Variants in TAFA1 observed in about 807,000 individuals in gnomAD.
TAFA1 encodes the protein TAFA chemokine like family member 1.
In TAFA1, 4 loss-of-function variants were observed where a neutral mutation model predicts 18.5. The observed-to-expected ratio is 0.22, with a 90% CI of 0.11 to 0.49. The LOEUF is 0.49. Among genes scored for constraint, TAFA1 ranks in the 20% least tolerant of loss-of-function variants. TAFA1 has a pLI of 0.98. For synonymous variants in TAFA1, 56 were observed against 55.2 expected (o/e 1.01, Z -0.06); for missense variants, 147 against 169.0 (o/e 0.87, Z 0.72).
intron 2 of TAFA1, among the ~76,000 whole-genome samples, chr3:68,229,260 C>T (rs1329145992): frequency 3.9e-5 from 6 of 152,168 alleles, no homozygotes; most frequent in African/African-American, 1.4e-4. Flanking sequence ...ATTGCTCTTT[C>T]TCATGTTTTT....
chr3:68,123,004 C>CT (rs76838288), intron 2 of TAFA1, among the ~76,000 whole-genome samples: 36,550 of 151,080 alleles, frequency 0.24, 4,500 homozygotes, highest in East Asian at 0.42. Context: ...AAAAAAAACC[C>CT]TTTTTTTTCC....
At chr3:68,231,690 T>G (rs1012020509) in intron 2 of TAFA1, among the ~76,000 whole-genome samples, 1 of 152,178 alleles carries the variant, frequency 6.6e-6, no homozygotes, top group Non-Finnish European at 1.5e-5. Context: ...ACAGCTTTAT[T>G]GAGATATAAT....
chr3:68,536,899 A>T (rs966310380), intron 3 of TAFA1, among the ~76,000 whole-genome samples: 1 of 151,932 alleles, frequency 6.6e-6, no homozygotes, highest in African/African-American at 2.4e-5. Context: ...TATCAACTAT[A>T]CTCTTGATGG....
chr3:68,038,620 G>A (rs1015032294), intron 2 of TAFA1, among the ~76,000 whole-genome samples: 16 of 151,992 alleles, frequency 1.1e-4, no homozygotes, highest in African/African-American at 3.4e-4. Flanking sequence ...AGGGTTCAGG[G>A]TAGTCACATT....
intron 2 of TAFA1, among the ~76,000 whole-genome samples, chr3:68,094,408 G>A (rs1274122235): frequency 6.6e-6 from 1 of 152,060 alleles, no homozygotes; most frequent in Non-Finnish European, 1.5e-5. Flanking sequence ...TATTCCCGGA[G>A]GTATCTCCAG....
intron 2 of TAFA1, among the ~76,000 whole-genome samples, chr3:68,175,185 G>A (rs538344205): frequency 7.2e-5 from 11 of 152,338 alleles, no homozygotes; most frequent in South Asian, 6.2e-4. Context: ...TGCTGCAGGC[G>A]CAGGGCCCTC....
chr3:68,071,913 C>T (rs2064760041), intron 2 of TAFA1, among the ~76,000 whole-genome samples: 3 of 152,236 alleles, frequency 2.0e-5, no homozygotes, highest in Admixed American at 6.5e-5. Flanking sequence ...GATCCGCCCC[C>T]ATGTCCCAAA....
intron 2 of TAFA1, among the ~76,000 whole-genome samples, chr3:68,248,374 T>A (rs1191021529): frequency 6.6e-6 from 1 of 151,964 alleles, no homozygotes; most frequent in African/African-American, 2.4e-5. Flanking sequence ...TAATTGTAGA[T>A]CATTAGTGGG....
intron 2 of TAFA1, among the ~76,000 whole-genome samples, chr3:68,132,068 C>G (rs1197529041): frequency 6.6e-6 from 1 of 152,078 alleles, no homozygotes; most frequent in African/African-American, 2.4e-5. Flanking sequence ...GTGTGATGTT[C>G]CTCTCTCTGT....
intron 3 of TAFA1, among the ~76,000 whole-genome samples, chr3:68,519,992 T>C (rs1376998444): frequency 1.3e-5 from 2 of 152,230 alleles, no homozygotes; most frequent in African/African-American, 4.8e-5. Flanking sequence ...GGAAGTAATT[T>C]GGGTGTATTC....
At chr3:68,508,437 C>T (rs539054536) in intron 3 of TAFA1, among the ~76,000 whole-genome samples, 13 of 152,096 alleles carry the variant, frequency 8.5e-5, no homozygotes, top group South Asian at 2.1e-4. Flanking sequence ...TCAAACTCTT[C>T]GTTATCTTAT....
At chr3:68,450,909 A>G (rs1193040280) in intron 3 of TAFA1, among the ~76,000 whole-genome samples, 1 of 152,242 alleles carries the variant, frequency 6.6e-6, no homozygotes, top group Admixed American at 6.5e-5. Context: ...ATTTGAAACT[A>G]CAATCTTATG....
chr3:68,234,588 T>C (rs2066906790), intron 2 of TAFA1, among the ~76,000 whole-genome samples: 2 of 152,146 alleles, frequency 1.3e-5, no homozygotes, highest in South Asian at 4.1e-4. Context: ...AAAAGATTGG[T>C]TTCTGAGTCA....
At chr3:68,371,388 C>T (rs1489328418) in intron 2 of TAFA1, among the ~76,000 whole-genome samples, 1 of 152,034 alleles carries the variant, frequency 6.6e-6, no homozygotes, top group Non-Finnish European at 1.5e-5. Context: ...GCCCCCAACC[C>T]CCAACGGGCC....
At chr3:68,368,367 C>T (rs540872137) in intron 2 of TAFA1, among the ~76,000 whole-genome samples, 53 of 152,332 alleles carry the variant, frequency 3.5e-4, no homozygotes, top group Non-Finnish European at 6.0e-4. Context: ...AGGTGTTTCT[C>T]AGTCCCTGGT....
intron 2 of TAFA1, among the ~76,000 whole-genome samples, chr3:68,315,354 G>A (rs1456485242): frequency 1.3e-5 from 2 of 152,134 alleles, no homozygotes; most frequent in Non-Finnish European, 2.9e-5. Context: ...TGTCCTCTCA[G>A]CTTGCTTTGG....
At chr3:68,104,816 G>A (rs1030325441) in intron 2 of TAFA1, among the ~76,000 whole-genome samples, 1 of 152,138 alleles carries the variant, frequency 6.6e-6, no homozygotes, top group Non-Finnish European at 1.5e-5. Context: ...TCTATCCTTT[G>A]TGGGAAAAAG....
chr3:68,003,724 G>T (rs905332351), upstream of TAFA1, among the ~76,000 whole-genome samples: 1 of 152,100 alleles, frequency 6.6e-6, no homozygotes, highest in African/African-American at 2.4e-5. Context: ...TTTTAAAAAA[G>T]AGCTGTGAGC....
chr3:68,143,846 C>T (rs2065701281), intron 2 of TAFA1, among the ~76,000 whole-genome samples: 1 of 152,142 alleles, frequency 6.6e-6, no homozygotes, highest in Non-Finnish European at 1.5e-5. Context: ...CCCTGCCAAT[C>T]CTAGAATTCC....
Sources: gnomAD v4.1 joint callset for allele counts (sites outside exome capture counted in the v4.1 genomes callset) on GRCh38, gnomAD v4.1.1 for gene constraint, MANE v1.5 for transcripts, NCBI Gene and HGNC (gene_info 2026-07-23, HGNC 2026-07-21) for gene names.